TGFB1: variants seen among roughly 807,000 people sequenced by gnomAD.
TGFB1 encodes transforming growth factor beta 1, also known as transforming growth factor beta-1 proprotein.
In TGFB1, 19 loss-of-function variants were observed where a neutral mutation model predicts 43.8. The ratio of observed to expected loss-of-function variants is 0.43; its 90% confidence interval spans 0.30 to 0.64. TGFB1 has a LOEUF of 0.64. Ranked by LOEUF, TGFB1 falls within the 30% of genes least tolerant of loss-of-function variation. The probability of loss-of-function intolerance (pLI) is 0.11; values close to 1 mark genes in which losing one functional copy is unlikely to be tolerated. For synonymous variants in TGFB1, 221 were observed against 236.3 expected, an observed-to-expected ratio of 0.94 and a Z score of 0.60; for missense variants, 445 against 529.8, an observed-to-expected ratio of 0.84 and a Z score of 1.57.
intron 5 of TGFB1, 34 bp downstream of exon 5, chr19:41,341,849 C>T: frequency 1.9e-6 from 3 of 1,612,224 alleles, no homozygotes; most frequent in African/African-American, 1.3e-5. Context: ...ATGCCCCCAG[C>T]CTGGAAGGCC....
rs147721101 is a variant in TGFB1, at chr19:41,346,089, G to A, written c.517-1225C>T. Among the ~76,000 whole-genome samples the A allele has an allele frequency of 4.3e-3, 647 of 152,072 alleles. 5 individuals carry two copies. Among genetic ancestry groups the A allele is most frequent in the African/African-American group, 0.015 (622 of 41,482 alleles). On this transcript the variant is annotated intron_variant, in intron 2 of 6. Transcript: ENST00000221930. ...TTCTGGGCCAGGCACAGTCGCTCAC[G>A]CTTGTAATCCCAGCACTTTGGGAGG... is the stretch of plus-strand genomic sequence containing the variant.
intron 1 of TGFB1, among the ~76,000 whole-genome samples, chr19:41,351,588 A>G (rs2038195649): frequency 6.6e-6 from 1 of 152,124 alleles, no homozygotes; most frequent in Admixed American, 6.5e-5. Flanking sequence ...AGGAACTGGG[A>G]CTTTGGGGTC....
rs1176932121 is a variant in TGFB1, at chr19:41,353,553, C to T, written c.-509G>A. The T allele has an allele frequency of 6.5e-6, 1 of 153,604 alleles. No individual in the cohort carries two copies. The allele number at this position is 153,604 out of a possible 1,614,324, so 9.5% of individuals were successfully genotyped here. A position where few individuals can be genotyped will look rare whatever the true frequency, so the allele number is the denominator to read the frequency against. On this transcript the variant is annotated 5_prime_UTR_variant, in exon 1 of 7. Coordinates refer to ENST00000221930, the MANE Select transcript of TGFB1 (RefSeq NM_000660.7). The surrounding 1 kb of genome is among the most constrained non-coding windows in gnomAD (Gnocchi z 5.9). Reference sequence around the variant, plus strand: ...GGGAGGCGGTCTGGGGTCCCCAAGTCCTGCCTCCTCGCGGGGCAGCGTCGC... The same window carrying T: ...GGGAGGCGGTCTGGGGTCCCCAAGTTCTGCCTCCTCGCGGGGCAGCGTCGC...
At chr19:41,340,510 G>A (rs1050052698) in intron 5 of TGFB1, among the ~76,000 whole-genome samples, 1 of 152,000 alleles carries the variant, frequency 6.6e-6, no homozygotes, top group African/African-American at 2.4e-5. Context: ...TTGAACTCCA[G>A]ACCTCAGGGA....
chr19:41,352,015 C>T (rs956351512), intron 1 of TGFB1, among the ~76,000 whole-genome samples: 1 of 152,076 alleles, frequency 6.6e-6, no homozygotes, highest in Non-Finnish European at 1.5e-5. Context: ...TCCCGAGTCT[C>T]CGCTCCTCTC....
chr19:41,336,411 A>C (rs2037989172), intron 5 of TGFB1, among the ~76,000 whole-genome samples: 2 of 132,742 alleles, frequency 1.5e-5, no homozygotes, highest in Non-Finnish European at 3.2e-5. Context: ...TTGAGACAGG[A>C]TCTCACTCTG....
intron 1 of TGFB1, 88 bp from the exon 2 acceptor site, chr19:41,348,543 A>C: frequency 7.4e-7 from 1 of 1,352,552 alleles, no homozygotes; most frequent in Non-Finnish European, 1.0e-6. Context: ...TTTGGAGCTG[A>C]CAGCTCTGGG....
chr19:41,352,559 C>A (rs897862325), intron 1 of TGFB1, 131 bp downstream of exon 1: 1 of 1,101,860 alleles, frequency 9.1e-7, no homozygotes, highest in African/African-American at 1.5e-5. Context: ...CACCATCACA[C>A]GTTCCCTTTG....
At chr19:41,351,274 G>T (rs933324657) in intron 1 of TGFB1, 7 of 152,416 alleles carry the variant, frequency 4.6e-5, no homozygotes, top group African/African-American at 1.7e-4. Context: ...AAATGGGCAG[G>T]GAACCCGCAA....
rs2037918623 is a variant in TGFB1, at chr19:41,330,670, C to CA, written c.*381dup. ...GGGTGTTATCAGAGTCCCTGCATCTCAGAGTGTTGCTATGGTGACTGAATG... is the reference window on the plus strand; with the variant it reads ...GGGTGTTATCAGAGTCCCTGCATCTCAAGAGTGTTGCTATGGTGACTGAATG... On this transcript the variant is annotated 3_prime_UTR_variant, in exon 7 of 7. Coordinates refer to ENST00000221930, the MANE Select transcript of TGFB1 (RefSeq NM_000660.7). 1 of 178,994 alleles carries CA rather than the reference C, an allele frequency of 5.6e-6. No homozygotes were observed. The highest frequency in any genetic ancestry group is 1.2e-5 in the Non-Finnish European group (1 of 85,512). 11.1% of individuals were successfully genotyped at this position (178,994 alleles called of 1,614,324 possible). A position where few individuals can be genotyped will look rare whatever the true frequency, so the allele number is the denominator to read the frequency against.
chr19:41,348,518 C>T (rs1442024463), intron 1 of TGFB1, 63 bp from the exon 2 acceptor site: 90 of 1,587,888 alleles, frequency 5.7e-5, no homozygotes, highest in Middle Eastern at 1.9e-4. Flanking sequence ...AGCTGGTGCT[C>T]CCAACTCTAG....
Position 41,352,961 on chromosome 19 carries a change from C to T in TGFB1, c.84G>A (p.Ala28=), listed in dbSNP as rs527542249. ...CGATAGTCTTGCAGGTGGATAGTCC[C>T]GCGGCCGGCCGGCCAGGCGTCAGCA... The part of the protein sequence containing the change: ...LLVLTPGRPA[A]GLSTCKTIDM... The change falls in exon 1 of 7, where the codon GCG becomes GCA. Residue 28 remains alanine (A), a synonymous_variant. Transcript: ENST00000221930. 4.5e-6 allele frequency: 7 copies of T among 1,546,838 alleles called. No individual in the cohort carries two copies. The highest frequency in any genetic ancestry group is 3.5e-5 in the South Asian group (3 of 84,688).
chr19:41,344,630 C>G (rs1477772173), intron 3 of TGFB1, 117 bp downstream of exon 3: 8 of 920,270 alleles, frequency 8.7e-6, no homozygotes, highest in Admixed American at 1.9e-5. Context: ...GGAGCCAGGT[C>G]TCAGCACTTT....
At chr19:41,349,648 T>C (rs186059489) in intron 1 of TGFB1, among the ~76,000 whole-genome samples, 90 of 152,228 alleles carry the variant, frequency 5.9e-4, no homozygotes, top group Non-Finnish European at 1.0e-3. Flanking sequence ...TCCCAGCTAC[T>C]TGGGAGGTTG....
intron 1 of TGFB1, 118 bp from the exon 2 acceptor site, chr19:41,348,573 CCTTTTATTTATT>C (rs2038144917): frequency 2.0e-6 from 1 of 488,194 alleles, no homozygotes; most frequent in Admixed American, 4.1e-5. Context: ...GTCTCTGATA[CCTTTTATTTATT>C]TATTTATTTA....
At chr19:41,345,208 C>G (rs1409667382) in intron 2 of TGFB1, among the ~76,000 whole-genome samples, 3 of 152,080 alleles carry the variant, frequency 2.0e-5, no homozygotes, top group Non-Finnish European at 4.4e-5. Context: ...CTGCTGCTAA[C>G]ATTCTGGGCC....
chr19:41,333,187 T>C (rs1167833949), intron 5 of TGFB1, among the ~76,000 whole-genome samples: 1 of 150,958 alleles, frequency 6.6e-6, no homozygotes, highest in Non-Finnish European at 1.5e-5. Flanking sequence ...GTTCCTTCAC[T>C]TCATTTCTTC....
chr19:41,330,968 A>C lies in TGFB1; in HGVS notation c.*84T>G. ...GTGGGCTTGGGGCACGGGTGTCCTT[A>C]AATACAGCCCCCATGGGCAAGGCAG... On this transcript the variant is annotated 3_prime_UTR_variant, in exon 7 of 7. Coordinates refer to ENST00000221930, the MANE Select transcript of TGFB1 (RefSeq NM_000660.7). 1.5e-6 allele frequency: 2 copies of C among 1,304,704 alleles called. No individual in the cohort carries two copies. The highest frequency in any genetic ancestry group is 2.0e-6 in the Non-Finnish European group (2 of 990,634). The allele number at this position is 1,304,704 out of a possible 1,614,324, so 80.8% of individuals were successfully genotyped here.
rs544797309 is a variant in TGFB1 at position 41,333,358 on chromosome 19, G to A, written c.861-1077C>T. 1.3e-4 allele frequency among the ~76,000 whole-genome samples: 19 copies of A among 151,544 alleles called. No homozygotes were observed. In the South Asian group the frequency reaches 1.3e-3, roughly 10 times the overall value. ...CTTCCGAGTAGCTGGGATTACAGGC[G>A]TGTGCCACCATGCCCGGCTAATTTT... On this transcript the variant is annotated intron_variant, in intron 5 of 6. Transcript: ENST00000221930.
Sources: allele counts gnomAD v4.1 joint callset (sites outside exome capture counted in the v4.1 genomes callset), GRCh38; gene constraint gnomAD v4.1.1; non-coding constraint Gnocchi (gnomAD v3.1); transcripts MANE v1.5; gene names NCBI Gene and HGNC (gene_info 2026-07-23, HGNC 2026-07-21).